Variants in NEK5 observed in about 807,000 individuals in gnomAD.
NEK5 encodes the protein NIMA related kinase 5, also known as serine/threonine-protein kinase Nek5.
Under a neutral mutation model 109.2 loss-of-function variants are expected in NEK5, and 88 were observed. The ratio of observed to expected loss-of-function variants is 0.81; its 90% CI spans 0.68 to 0.96. The LOEUF (loss-of-function observed/expected upper bound fraction) is 0.96. NEK5 is among the 40% of genes least tolerant of loss of function. The probability of loss-of-function intolerance (pLI) is 0.00; values close to 1 mark genes in which losing one functional copy is unlikely to be tolerated. For missense variants in NEK5, 834 were observed against 920.7 expected, an observed-to-expected ratio of 0.91 and a Z score of 1.22; for synonymous variants, 283 against 299.9, an observed-to-expected ratio of 0.94 and a Z score of 0.58.
chr13:52,096,145 G>A (rs1026969587), intron 12 of NEK5, among the ~76,000 whole-genome samples: 7 of 152,120 alleles, frequency 4.6e-5, no homozygotes, highest in Non-Finnish European at 7.3e-5. Flanking sequence ...GCAGAACTGT[G>A]AGCCAATTAA....
At chr13:52,126,108 C>A (rs981556080) in intron 3 of NEK5, among the ~76,000 whole-genome samples, 4 of 152,044 alleles carry the variant, frequency 2.6e-5, no homozygotes, top group Non-Finnish European at 4.4e-5. Context: ...TTGTATGGAA[C>A]TTTTTATGCT....
At chr13:52,064,287 C>T (rs1413214875) in intron 21 of NEK5, among the ~76,000 whole-genome samples, 14 of 142,676 alleles carry the variant, frequency 9.8e-5, no homozygotes, top group East Asian at 4.3e-4. Context: ...CGCCTCTGCC[C>T]GGCCGCCCCT....
In NEK5 at chr13:52,035,860, A is replaced by C. The variant is rs111850387; in HGVS notation, c.*1088T>G. On this transcript the variant is annotated 3_prime_UTR_variant, in exon 24 of 24. Transcript: ENST00000684899. ...TATTCCTGTGTCAACATCAGCTTCA[A>C]AAAAGTGTATTCAATGCAACAAGAA... is the stretch of plus-strand genomic sequence containing the variant. The C allele has an allele frequency of 2.0e-5, 3 of 152,050 alleles. No individual in the cohort carries two copies. The highest frequency in any genetic ancestry group is 7.2e-5 in the African/African-American group (3 of 41,486). 9.4% of individuals were successfully genotyped at this position (152,050 alleles called of 1,614,324 possible). A position where few individuals can be genotyped will look rare whatever the true frequency, so the allele number is the denominator to read the frequency against.
chr13:52,104,541 G>T lies in NEK5; in HGVS notation c.566C>A (p.Ser189Tyr). 6.2e-7 allele frequency: 1 copy of T among 1,604,064 alleles called. No homozygotes were observed. Among genetic ancestry groups the T allele is most frequent in the South Asian group, 1.1e-5 (1 of 90,854 alleles). ...KPYNNKTDIW[S>Y]LGCVLYELCT... ...GAGCTCATATAAGACACAGCCAAGA[G>T]ACCAAATATCCCTAAAGAAGATAAG... is the stretch of plus-strand genomic sequence containing the variant. The change falls in exon 9 of 24, where the codon TCT (serine) becomes TAT (tyrosine). Residue 189 changes from serine (S) to tyrosine (Y), a missense_variant. Ser to Tyr is a moderately radical substitution (Grantham distance 144). Around this residue, in one of 2 missense-constraint regions of NEK5, gnomAD observed 777 missense variants for 824.7 expected, o/e 0.94. Coordinates refer to ENST00000684899, the MANE Select transcript of NEK5 (RefSeq NM_001365552.1).
intron 13 of NEK5, among the ~76,000 whole-genome samples, chr13:52,091,421 ATG>A (rs1207983409): frequency 6.6e-6 from 1 of 152,224 alleles, no homozygotes; most frequent in Non-Finnish European, 1.5e-5. Flanking sequence ...ATAATTAAAA[ATG>A]TGTTATGAAG....
intron 17 of NEK5, among the ~76,000 whole-genome samples, chr13:52,080,492 C>T (rs907983105): frequency 3.3e-5 from 5 of 152,244 alleles, no homozygotes; most frequent in Non-Finnish European, 2.9e-5. Context: ...GGATGGTTGC[C>T]GTGTCTGTGT....
At chr13:52,076,236 C>T in intron 17 of NEK5, 93 bp from the exon 18 acceptor site, 1 of 708,768 alleles carries the variant, frequency 1.4e-6, no homozygotes, top group Non-Finnish European at 2.4e-6. Context: ...ATAACAAAAA[C>T]AAGCTTTTAT....
intron 17 of NEK5, among the ~76,000 whole-genome samples, chr13:52,079,586 T>G (rs1384550611): frequency 6.6e-6 from 1 of 152,008 alleles, no homozygotes; most frequent in Non-Finnish European, 1.5e-5. Context: ...GCAGACGGAG[T>G]CTGGTTCACT....
intron 17 of NEK5, among the ~76,000 whole-genome samples, chr13:52,079,857 G>C (rs1036967298): frequency 6.6e-6 from 1 of 151,940 alleles, no homozygotes; most frequent in Non-Finnish European, 1.5e-5. Context: ...GAAGTGAGGA[G>C]CGTCTCTGCC....
chr13:52,043,572 A>G (rs1369082885), intron 23 of NEK5, among the ~76,000 whole-genome samples: 1 of 151,614 alleles, frequency 6.6e-6, no homozygotes, highest in Admixed American at 6.6e-5. Flanking sequence ...GAAAAAGAAA[A>G]GAAAAAAAAG....
intron 16 of NEK5, among the ~76,000 whole-genome samples, chr13:52,084,750 A>T (rs1357572214): frequency 2.9e-4 from 15 of 51,308 alleles, no homozygotes; most frequent in South Asian, 5.9e-4. Flanking sequence ...AGAGAGAGAG[A>T]GAGAGAGAGA....
chr13:52,034,366 A>G lies in NEK5; in HGVS notation c.*2582T>C, dbSNP rs1260734595. ...AGCTGAAAGTGTTGCAGATATGTAT[A>G]CTTATCACAGTGAATACTTCCAGTT... On this transcript the variant is annotated 3_prime_UTR_variant, in exon 24 of 24. Coordinates refer to ENST00000684899, the MANE Select transcript of NEK5 (RefSeq NM_001365552.1). 1 of 152,234 alleles carries G rather than the reference A, an allele frequency of 6.6e-6. No homozygotes were observed. The highest frequency in any genetic ancestry group is 1.5e-5 in the Non-Finnish European group (1 of 68,048). The allele number at this position is 152,234 out of a possible 1,614,324, so 9.4% of individuals were successfully genotyped here.
At chr13:52,051,250 C>T (rs1954503623) in intron 22 of NEK5, among the ~76,000 whole-genome samples, 1 of 151,960 alleles carries the variant, frequency 6.6e-6, no homozygotes, top group Non-Finnish European at 1.5e-5. Flanking sequence ...CAACTTCTCA[C>T]TGGCCTTTTA....
At position 52,067,444 on chromosome 13, in the gene NEK5, C is replaced by T. The variant is rs138529782; in HGVS notation, c.1850-1835G>A. ...TGCCTAAAACATGCCCACAGCTGCACAGATAAGGGAGCAAAGTCCAACACA... is the reference window on the plus strand; with the variant it reads ...TGCCTAAAACATGCCCACAGCTGCATAGATAAGGGAGCAAAGTCCAACACA... On this transcript the variant is annotated intron_variant, in intron 20 of 23. Transcript: ENST00000684899. 3.9e-5 allele frequency among the ~76,000 whole-genome samples: 6 copies of T among 152,288 alleles called. No individual in the cohort carries two copies. The East Asian group carries it at 7.7e-4, about 20-fold the overall frequency.
intron 13 of NEK5, among the ~76,000 whole-genome samples, chr13:52,092,030 A>T (rs1376548291): frequency 6.6e-6 from 1 of 152,146 alleles, no homozygotes; most frequent in Non-Finnish European, 1.5e-5. Flanking sequence ...TTCACCTGCC[A>T]TATAGTGGAA....
intron 23 of NEK5, among the ~76,000 whole-genome samples, chr13:52,046,070 CAAA>C (rs1216006961): frequency 3.5e-5 from 2 of 57,342 alleles, no homozygotes; most frequent in Non-Finnish European, 7.4e-5. Flanking sequence ...GACTCCATCT[CAAA>C]AAAAAAAAAA....
intron 5 of NEK5, among the ~76,000 whole-genome samples, chr13:52,111,254 A>G (rs1488383977): frequency 1.3e-5 from 2 of 152,188 alleles, no homozygotes; most frequent in Admixed American, 6.5e-5. Context: ...CAGAAAGAGG[A>G]AAATAATAGG....
At chr13:52,045,093 T>A (rs1954444860) in intron 23 of NEK5, among the ~76,000 whole-genome samples, 1 of 151,162 alleles carries the variant, frequency 6.6e-6, no homozygotes, top group African/African-American at 2.4e-5. Context: ...TATAAAAACG[T>A]ACCATAACAG....
chr13:52,037,260 G>C, intron 23 of NEK5, 42 bp from the exon 24 acceptor site: 1 of 904,786 alleles, frequency 1.1e-6, no homozygotes, highest in Non-Finnish European at 1.3e-6. Flanking sequence ...TGATATGAAA[G>C]TACTGAAGAA....
Sources: allele counts gnomAD v4.1 joint callset (sites outside exome capture counted in the v4.1 genomes callset), GRCh38; gene constraint gnomAD v4.1.1; regional missense constraint gnomAD v4.1.1; transcripts MANE v1.5; gene names NCBI Gene and HGNC (gene_info 2026-07-23, HGNC 2026-07-21).